Variants in NEK11 observed in about 807,000 individuals in gnomAD.
The protein encoded by NEK11 is serine/threonine-protein kinase Nek11.
Under a neutral mutation model 80.7 loss-of-function variants are expected in NEK11, and 72 were observed. The ratio of observed to expected loss-of-function variants is 0.89; its 90% CI spans 0.74 to 1.08. The LOEUF (loss-of-function observed/expected upper bound fraction) is 1.08. Among genes scored for constraint, NEK11 ranks in the 50% least tolerant of loss-of-function variants. NEK11 has a pLI of 0.00. For missense variants in NEK11, 764 were observed against 763.6 expected (o/e 1.00, Z -0.01); for synonymous variants, 251 against 260.7 (o/e 0.96, Z 0.36).
chr3:131,326,458 A>T (rs941396719), intron 17 of NEK11, among the ~76,000 whole-genome samples: 1 of 152,090 alleles, frequency 6.6e-6, no homozygotes, highest in African/African-American at 2.4e-5. Flanking sequence ...TCTTCTTCAG[A>T]GCTTATGAGA....
chr3:131,074,884 C>T (rs980661209), intron 3 of NEK11, among the ~76,000 whole-genome samples: 1 of 152,148 alleles, frequency 6.6e-6, no homozygotes, highest in Non-Finnish European at 1.5e-5. Flanking sequence ...GTTGGCCTCC[C>T]CATGGGACTG....
chr3:131,342,681 A>G lies in NEK11; in HGVS notation c.1719-6876A>G, dbSNP rs145438126. Among the ~76,000 whole-genome samples the G allele has an allele frequency of 2.1e-3, 314 of 152,266 alleles. 2 individuals are homozygous for G. Among genetic ancestry groups the G allele is most frequent in the African/African-American group, 7.3e-3 (304 of 41,548 alleles). On this transcript the variant is annotated intron_variant, in intron 17 of 17. Transcript: ENST00000383366. ...AGGATTGCTATGCAATTCACCACTG[A>G]GAAAGCAACAATAACGTACATGATA...
At chr3:131,028,974 A>G (rs1452562748) in intron 2 of NEK11, among the ~76,000 whole-genome samples, 1 of 152,210 alleles carries the variant, frequency 6.6e-6, no homozygotes, top group Non-Finnish European at 1.5e-5. Flanking sequence ...TTGAATTTGT[A>G]ACTCTTCCTG....
intron 10 of NEK11, among the ~76,000 whole-genome samples, chr3:131,160,115 G>A (rs886190080): frequency 6.6e-6 from 1 of 152,100 alleles, no homozygotes; most frequent in Non-Finnish European, 1.5e-5. Flanking sequence ...CATCCCCCAG[G>A]ACACATAATC....
chr3:131,197,160 T>A (rs978618449), intron 14 of NEK11, among the ~76,000 whole-genome samples: 1 of 152,124 alleles, frequency 6.6e-6, no homozygotes, highest in African/African-American at 2.4e-5. Flanking sequence ...TAGGGATTCT[T>A]AGTCAGCCTA....
chr3:131,086,570 G>C (rs760347455), intron 4 of NEK11, among the ~76,000 whole-genome samples: 6 of 152,174 alleles, frequency 3.9e-5, no homozygotes, highest in Admixed American at 6.5e-5. Context: ...ATTGGCTCCT[G>C]TGTCTTTTTA....
At chr3:131,330,195 A>C (rs554360459) in intron 17 of NEK11, 1 of 152,380 alleles carries the variant, frequency 6.6e-6, no homozygotes, top group East Asian at 1.9e-4. Context: ...AATCAAAGAT[A>C]ACTCAGGTTT....
chr3:131,063,963 T>C (rs1435210415), intron 3 of NEK11, among the ~76,000 whole-genome samples: 1 of 152,128 alleles, frequency 6.6e-6, no homozygotes, highest in Non-Finnish European at 1.5e-5. Flanking sequence ...AAACAAAATA[T>C]GGTATATCCA....
intron 3 of NEK11, among the ~76,000 whole-genome samples, chr3:131,050,356 G>A (rs942032020): frequency 6.6e-6 from 1 of 152,198 alleles, no homozygotes; most frequent in Non-Finnish European, 1.5e-5. Flanking sequence ...GACAGGATCA[G>A]AATCAAAGAA....
chr3:131,297,357 A>C (rs1328726818), intron 17 of NEK11, among the ~76,000 whole-genome samples: 1 of 152,024 alleles, frequency 6.6e-6, no homozygotes. Context: ...TGCCATTCTA[A>C]CTGGTGTGAG....
intron 4 of NEK11, among the ~76,000 whole-genome samples, chr3:131,108,715 T>C (rs950352162): frequency 4.6e-5 from 7 of 152,056 alleles, no homozygotes; most frequent in African/African-American, 7.2e-5. Flanking sequence ...ATTTTACTTA[T>C]TGCCAGTGAA....
chr3:131,272,293 G>A (rs2096205203), intron 16 of NEK11, among the ~76,000 whole-genome samples: 1 of 151,922 alleles, frequency 6.6e-6, no homozygotes. Flanking sequence ...GATCATTGGA[G>A]TGGACAGTTT....
In NEK11 at chr3:131,237,768, T is replaced by C. The variant is rs563865526; in HGVS notation, c.1561-5668T>C. Among the ~76,000 whole-genome samples the C allele has an allele frequency of 2.0e-5, 3 of 152,296 alleles. No individual in the cohort carries two copies. The South Asian group carries it at 6.2e-4, about 32-fold the overall frequency. ...ACCCTCAGTCCAAATTAGCTCCTCC[T>C]GAGCCAACCTCGACTGACATCCTTT... On this transcript the variant is annotated intron_variant, in intron 15 of 17. Coordinates refer to ENST00000383366, the MANE Select transcript of NEK11 (RefSeq NM_024800.5).
At chr3:131,263,930 T>G (rs2095989748) in intron 16 of NEK11, among the ~76,000 whole-genome samples, 1 of 152,190 alleles carries the variant, frequency 6.6e-6, no homozygotes, top group Admixed American at 6.5e-5. Context: ...TGGTATCTCA[T>G]TGTGGTTTTG....
At chr3:131,324,456 T>A (rs1355643583) in intron 17 of NEK11, among the ~76,000 whole-genome samples, 1 of 152,234 alleles carries the variant, frequency 6.6e-6, no homozygotes, top group Admixed American at 6.5e-5. Context: ...TTGTGATTTT[T>A]AAAAAATTGT....
intron 3 of NEK11, among the ~76,000 whole-genome samples, chr3:131,062,902 A>T (rs1432590277): frequency 6.6e-6 from 1 of 152,254 alleles, no homozygotes; most frequent in Non-Finnish European, 1.5e-5. Context: ...GTAATCAACT[A>T]CATAAAGCTA....
rs869304359 is a variant in NEK11, at chr3:131,272,463, C to CTTT, written c.1622-987_1622-985dup. Among the ~76,000 whole-genome samples the CTTT allele has an allele frequency of 7.0e-3, 307 of 43,902 alleles. 27 individuals are homozygous for CTTT. The highest frequency in any genetic ancestry group is 0.01 in the Non-Finnish European group (258 of 24,606). The allele number at this position is 43,902 out of a possible 152,430, so 28.8% of individuals were successfully genotyped here. On this transcript the variant is annotated intron_variant, in intron 16 of 17. Coordinates refer to ENST00000383366, the MANE Select transcript of NEK11 (RefSeq NM_024800.5). ...CTTGCTAATGGGCCAGTTTTAGCTTCTTTTTTTTTTTTTTTTTTTTTTTTT... is the reference window on the plus strand; with the variant it reads ...CTTGCTAATGGGCCAGTTTTAGCTTCTTTTTTTTTTTTTTTTTTTTTTTTTTTT...
At chr3:131,045,855 T>C (rs1381173369) in intron 3 of NEK11, among the ~76,000 whole-genome samples, 1 of 152,210 alleles carries the variant, frequency 6.6e-6, no homozygotes, top group Admixed American at 6.5e-5. Flanking sequence ...TATCATTGTA[T>C]AATGTCCCTC....
At chr3:131,050,621 C>T (rs1470468685) in intron 3 of NEK11, among the ~76,000 whole-genome samples, 1 of 152,136 alleles carries the variant, frequency 6.6e-6, no homozygotes, top group African/African-American at 2.4e-5. Context: ...AATCATATTG[C>T]ATTTGCTTGT....
Sources: allele counts gnomAD v4.1 joint callset (sites outside exome capture counted in the v4.1 genomes callset), GRCh38; gene constraint gnomAD v4.1.1; transcripts MANE v1.5; gene names NCBI Gene and HGNC (gene_info 2026-07-23, HGNC 2026-07-21).